CYP19A1: variants seen among roughly 807,000 people sequenced by gnomAD.
The protein encoded by CYP19A1 is aromatase.
A neutral mutation model predicts 44.4 loss-of-function variants in CYP19A1; 32 were observed. That is an observed-to-expected ratio of 0.72 (90% CI 0.54 to 0.97). The LOEUF (loss-of-function observed/expected upper bound fraction) is 0.97. Among genes scored for constraint, CYP19A1 ranks in the 50% least tolerant of loss-of-function variants. The pLI, the probability that CYP19A1 is intolerant of heterozygous loss-of-function variation, is 0.00. For missense variants in CYP19A1, 598 were observed against 637.8 expected (o/e 0.94, Z 0.67); for synonymous variants, 212 against 215.6 (o/e 0.98, Z 0.14).
intron 1 of CYP19A1, among the ~76,000 whole-genome samples, chr15:51,256,488 G>A (rs1362424883): frequency 6.6e-6 from 1 of 152,198 alleles, no homozygotes; most frequent in African/African-American, 2.4e-5. Context: ...TAGCAGGGGA[G>A]AGGTGGGAGT....
chr15:51,333,742 A>G (rs1391648353), intron 1 of CYP19A1, among the ~76,000 whole-genome samples: 2 of 152,138 alleles, frequency 1.3e-5, no homozygotes, highest in Non-Finnish European at 2.9e-5. Context: ...CCCTGGCTTG[A>G]GTCTCCAGGC....
chr15:51,331,188 G>T (rs1363982018), intron 1 of CYP19A1, among the ~76,000 whole-genome samples: 2 of 152,118 alleles, frequency 1.3e-5, no homozygotes, highest in African/African-American at 4.8e-5. Context: ...CATTGGAAAT[G>T]GTAACATTAA....
chr15:51,334,531 T>C (rs78860737), intron 1 of CYP19A1, among the ~76,000 whole-genome samples: 5,345 of 152,348 alleles, frequency 0.035, 295 homozygotes, highest in African/African-American at 0.12. Context: ...GATTTTGCAG[T>C]TTCAAATTCA....
At chr15:51,321,255 C>A (rs1235852251) in intron 1 of CYP19A1, among the ~76,000 whole-genome samples, 1 of 152,190 alleles carries the variant, frequency 6.6e-6, no homozygotes, top group Admixed American at 6.5e-5. Flanking sequence ...CCTTCACAAT[C>A]ATCACTGATG....
At chr15:51,305,146 C>A (rs1395741262) in intron 1 of CYP19A1, among the ~76,000 whole-genome samples, 1 of 152,062 alleles carries the variant, frequency 6.6e-6, no homozygotes, top group African/African-American at 2.4e-5. Context: ...GTTATCCGCC[C>A]ACCTTGGCCT....
At chr15:51,295,379 C>T (rs993497470) in intron 1 of CYP19A1, among the ~76,000 whole-genome samples, 7 of 152,166 alleles carry the variant, frequency 4.6e-5, no homozygotes, top group African/African-American at 1.4e-4. Flanking sequence ...TTACCCGCTC[C>T]CCTCCATTCC....
At chr15:51,216,019 T>G in intron 6 of CYP19A1, 1 of 1,085,832 alleles carries the variant, frequency 9.2e-7, no homozygotes, top group East Asian at 2.9e-5. Context: ...GTGCCAGAGT[T>G]AGCTAAGATT....
chr15:51,321,354 T>C (rs2036525119), intron 1 of CYP19A1, among the ~76,000 whole-genome samples: 1 of 152,094 alleles, frequency 6.6e-6, no homozygotes, highest in Non-Finnish European at 1.5e-5. Context: ...CACACTTTCC[T>C]TCCCAGCCTG....
intron 1 of CYP19A1, among the ~76,000 whole-genome samples, chr15:51,276,920 G>T (rs2035328862): frequency 6.6e-6 from 1 of 152,042 alleles, no homozygotes; most frequent in South Asian, 2.1e-4. Context: ...CCATTACCAA[G>T]CTTTGTATTC....
At chr15:51,338,281 A>T (rs1367243106) in intron 1 of CYP19A1, among the ~76,000 whole-genome samples, 1 of 152,124 alleles carries the variant, frequency 6.6e-6, no homozygotes, top group Non-Finnish European at 1.5e-5. Flanking sequence ...CCTATTTCAG[A>T]AAAACACTCA....
At chr15:51,288,807 T>C (rs1040088216) in intron 1 of CYP19A1, among the ~76,000 whole-genome samples, 1 of 152,172 alleles carries the variant, frequency 6.6e-6, no homozygotes, top group Non-Finnish European at 1.5e-5. Context: ...CAGAATTGCA[T>C]GGGGGATGGC....
At chr15:51,219,219 T>C (rs2031857920) in intron 5 of CYP19A1, among the ~76,000 whole-genome samples, 1 of 152,240 alleles carries the variant, frequency 6.6e-6, no homozygotes, top group African/African-American at 2.4e-5. Flanking sequence ...TTCATAGTTA[T>C]TTATATTCAG....
intron 3 of CYP19A1, among the ~76,000 whole-genome samples, chr15:51,233,448 C>T (rs972222566): frequency 1.3e-5 from 2 of 152,070 alleles, no homozygotes; most frequent in African/African-American, 4.8e-5. Context: ...TGCTGTATTC[C>T]CAGAGTTTAG....
intron 1 of CYP19A1, among the ~76,000 whole-genome samples, chr15:51,272,338 GCTT>G (rs2035158154): frequency 6.6e-6 from 1 of 152,184 alleles, no homozygotes. Flanking sequence ...TAGGCTATGA[GCTT>G]CTTCAAGACA....
At chr15:51,315,441 A>C (rs577024716) in intron 1 of CYP19A1, among the ~76,000 whole-genome samples, 1 of 150,958 alleles carries the variant, frequency 6.6e-6, no homozygotes, top group Non-Finnish European at 1.5e-5. Context: ...CCATCACTGC[A>C]ATCTTCATTT....
intron 4 of CYP19A1, among the ~76,000 whole-genome samples, chr15:51,223,996 A>G (rs1053702069): frequency 1.1e-4 from 17 of 152,334 alleles, no homozygotes; most frequent in Non-Finnish European, 2.2e-4. Flanking sequence ...GCTTATAGGC[A>G]GTGGTATGAT....
At position 51,212,395 on chromosome 15, in the gene CYP19A1, C is replaced by T. The variant is rs200838262; in HGVS notation, c.1188G>A (p.Leu396=). The change falls in exon 9 of 10, where the codon CTG becomes CTA. Residue 396 remains leucine (L), a synonymous_variant. Transcript: ENST00000396402. ...CGAGTCTGTGCATCCTTCCAATATTCAGGATAATGTTTGTCCCCTTTTTCA... is the reference window on the plus strand; with the variant it reads ...CGAGTCTGTGCATCCTTCCAATATTTAGGATAATGTTTGTCCCCTTTTTCA... ...YPVKKGTNII[L]NIGRMHRLEF... The T allele has an allele frequency of 2.6e-5, 41 of 1,589,570 alleles. No homozygotes were observed. The highest frequency in any genetic ancestry group is 3.4e-5 in the Non-Finnish European group (39 of 1,157,612).
chr15:51,218,741 T>C (rs939563986), intron 5 of CYP19A1, 86 bp from the exon 6 acceptor site: 20 of 1,538,038 alleles, frequency 1.3e-5, no homozygotes, highest in East Asian at 2.4e-5. Flanking sequence ...CAGAAAACAT[T>C]CCCTGCAGAT....
chr15:51,266,398 A>T (rs1048515793), intron 1 of CYP19A1, among the ~76,000 whole-genome samples: 12 of 152,244 alleles, frequency 7.9e-5, no homozygotes, highest in African/African-American at 2.9e-4. Flanking sequence ...CCCCCTAAAG[A>T]TGCGATTGCT....
Sources: gnomAD v4.1 joint callset for allele counts (sites outside exome capture counted in the v4.1 genomes callset) on GRCh38, gnomAD v4.1.1 for gene constraint, MANE v1.5 for transcripts, NCBI Gene and HGNC (gene_info 2026-07-23, HGNC 2026-07-21) for gene names.